PIGN: variants seen among roughly 807,000 people sequenced by gnomAD.
PIGN encodes the protein GPI ethanolamine phosphate transferase 1.
Under a neutral mutation model 125.4 loss-of-function variants are expected in PIGN, and 117 were observed. That is an observed-to-expected ratio of 0.93 (90% confidence interval 0.80 to 1.09). The LOEUF (loss-of-function observed/expected upper bound fraction) is 1.09. Ranked by LOEUF, PIGN falls within the 50% of genes least tolerant of loss-of-function variation. The probability of loss-of-function intolerance (pLI) is 0.00; values close to 1 mark genes in which losing one functional copy is unlikely to be tolerated. For synonymous variants in PIGN, 392 were observed against 377.8 expected (o/e 1.04, Z -0.44); for missense variants, 1,075 against 1,094.9 (o/e 0.98, Z 0.26).
At chr18:62,116,815 A>G (rs1410422092) in intron 14 of PIGN, among the ~76,000 whole-genome samples, 1 of 152,154 alleles carries the variant, frequency 6.6e-6, no homozygotes, top group Admixed American at 6.6e-5. Flanking sequence ...AGAGACTACC[A>G]TACGTTGCCA....
At chr18:62,183,147 A>G (rs2037775812) in intron 1 of PIGN, among the ~76,000 whole-genome samples, 1 of 152,240 alleles carries the variant, frequency 6.6e-6, no homozygotes, top group African/African-American at 2.4e-5. Context: ...TGCATTTGTT[A>G]CTTAGCTAGA....
chr18:62,163,085 T>C (rs751794291), intron 2 of PIGN, among the ~76,000 whole-genome samples: 35 of 152,172 alleles, frequency 2.3e-4, no homozygotes, highest in Non-Finnish European at 3.2e-4. Flanking sequence ...ATCTTTTTAG[T>C]GCATCAGTCA....
chr18:62,156,056 G>GT (rs1156523746), intron 6 of PIGN, among the ~76,000 whole-genome samples: 1 of 152,140 alleles, frequency 6.6e-6, no homozygotes, highest in Non-Finnish European at 1.5e-5. Context: ...TTTCTGATAA[G>GT]TGAAATGATC....
intron 23 of PIGN, among the ~76,000 whole-genome samples, chr18:62,091,117 G>A (rs139093037): frequency 0.021 from 3,176 of 152,194 alleles, 56 homozygotes; most frequent in Admixed American, 0.042. Context: ...TGGCAGGCCG[G>A]AGCAGGCAGA....
rs747363614 is a variant in PIGN at position 62,140,384 on chromosome 18, T to TA, written c.1023+35dup. ...ATTTTACTGTGCGATAGTTTTTTTTTATACTGAGAGTTGATAATAAAATTT... is the reference window on the plus strand; with the variant it reads ...ATTTTACTGTGCGATAGTTTTTTTTTAATACTGAGAGTTGATAATAAAATTT... On this transcript the variant is annotated intron_variant, in intron 12 of 30. Coordinates refer to ENST00000640252, the MANE Select transcript of PIGN (RefSeq NM_176787.5). 2.2e-3 allele frequency: 2,066 copies of TA among 952,064 alleles called. 6 individuals are homozygous for TA. Among genetic ancestry groups the TA allele is most frequent in the Non-Finnish European group, 2.8e-3 (1,726 of 623,586 alleles). 59.0% of individuals were successfully genotyped at this position (952,064 alleles called of 1,614,324 possible).
intron 23 of PIGN, among the ~76,000 whole-genome samples, chr18:62,019,614 G>A (rs570442050): frequency 6.6e-6 from 1 of 152,264 alleles, no homozygotes; most frequent in East Asian, 1.9e-4. Context: ...GACACTTCAG[G>A]AGACCAGGTG....
chr18:62,094,904 TC>T (rs2034113627), intron 23 of PIGN, among the ~76,000 whole-genome samples: 1 of 152,176 alleles, frequency 6.6e-6, no homozygotes, highest in Non-Finnish European at 1.5e-5. Context: ...CTACAAGAAC[TC>T]CTGGGGTCTA....
chr18:62,182,732 T>C (rs1370745343), intron 1 of PIGN, among the ~76,000 whole-genome samples: 3 of 152,200 alleles, frequency 2.0e-5, no homozygotes, highest in African/African-American at 7.2e-5. Flanking sequence ...TGTATAAAAC[T>C]CTCCAGTGCC....
intron 14 of PIGN, among the ~76,000 whole-genome samples, chr18:62,135,360 C>G (rs1325585158): frequency 6.6e-6 from 1 of 152,032 alleles, no homozygotes; most frequent in Non-Finnish European, 1.5e-5. Context: ...TTTAGCCAGA[C>G]AGGTCTACAG....
chr18:62,064,116 G>T (rs965491076), intron 30 of PIGN, among the ~76,000 whole-genome samples: 2 of 152,116 alleles, frequency 1.3e-5, no homozygotes, highest in African/African-American at 2.4e-5. Flanking sequence ...TTTGTTCAAG[G>T]CCCAGTTCAA....
chr18:62,123,287 T>G (rs1253596163), intron 14 of PIGN, among the ~76,000 whole-genome samples: 1 of 152,164 alleles, frequency 6.6e-6, no homozygotes, highest in Non-Finnish European at 1.5e-5. Context: ...AAAAAAATTC[T>G]TAAAGCCTTA....
chr18:62,147,147 A>G, intron 8 of PIGN, 46 bp from the exon 9 acceptor site: 2 of 1,539,844 alleles, frequency 1.3e-6, no homozygotes, highest in Non-Finnish European at 1.8e-6. Context: ...ATTTGGAGAA[A>G]TCAAATTTAT....
intron 30 of PIGN, among the ~76,000 whole-genome samples, chr18:62,048,478 A>G (rs187019408): frequency 1.1e-3 from 162 of 152,308 alleles, no homozygotes; most frequent in Non-Finnish European, 1.6e-3. Context: ...AACAATTTGA[A>G]TAACAGCAGA....
At chr18:62,071,384 C>T (rs2032836289) in intron 30 of PIGN, among the ~76,000 whole-genome samples, 1 of 152,170 alleles carries the variant, frequency 6.6e-6, no homozygotes, top group African/African-American at 2.4e-5. Flanking sequence ...CTCCCCACAG[C>T]ATTCCATGTA....
intron 8 of PIGN, among the ~76,000 whole-genome samples, chr18:62,147,703 G>A (rs1042746313): frequency 7.9e-5 from 12 of 152,074 alleles, no homozygotes; most frequent in African/African-American, 2.9e-4. Flanking sequence ...GTATAACATG[G>A]TATCTTCCTT....
At chr18:62,047,314 C>A (rs917357468) in intron 30 of PIGN, among the ~76,000 whole-genome samples, 3 of 152,200 alleles carry the variant, frequency 2.0e-5, no homozygotes, top group South Asian at 2.1e-4. Context: ...TCTGTCCATA[C>A]CTGGAGGATG....
chr18:62,135,489 T>C (rs1410190505), intron 14 of PIGN, among the ~76,000 whole-genome samples: 5 of 151,928 alleles, frequency 3.3e-5, no homozygotes, highest in Admixed American at 1.3e-4. Flanking sequence ...ACACTGAACA[T>C]CAAAATAGGG....
At chr18:62,040,911 C>A (rs534718477), downstream of PIGN, among the ~76,000 whole-genome samples, 9 of 152,326 alleles carry the variant, frequency 5.9e-5, no homozygotes, top group African/African-American at 2.2e-4. Flanking sequence ...TTAAAAAATT[C>A]ATGGAATCAC....
chr18:62,109,902 T>C lies in PIGN; in HGVS notation c.1506A>G (p.Gln502=). 1 of 1,613,276 alleles carries C rather than the reference T, an allele frequency of 6.2e-7. No individual in the cohort carries two copies. Residue 502 remains glutamine, a synonymous_variant, in exon 17 of 31, where the codon CAA becomes CAG. Coordinates refer to ENST00000640252, the MANE Select transcript of PIGN (RefSeq NM_176787.5). ...ATACATAATATGTCCAGGGACAGGC[T>C]TGAATCAGCAGAAAAAATGCTACTA... ...GILVAFFLLI[Q]ACPWTYYVYG... is the part of the protein sequence containing the mutation.
Sources: gnomAD v4.1 joint callset for allele counts (sites outside exome capture counted in the v4.1 genomes callset) on GRCh38, gnomAD v4.1.1 for gene constraint, MANE v1.5 for transcripts, NCBI Gene and HGNC (gene_info 2026-07-23, HGNC 2026-07-21) for gene names.